The following PLAAT5 variants were observed in gnomAD, a reference collection of about 807,000 sequenced individuals.
PLAAT5 encodes phospholipase A and acyltransferase 5, also known as Ca(2+)-independent N-acyltransferase.
PLAAT5 carries 27 observed loss-of-function variants against 27.8 expected under a neutral mutation model. The ratio of observed to expected loss-of-function variants is 0.97; its 90% CI spans 0.72 to 1.34. The LOEUF (loss-of-function observed/expected upper bound fraction) is 1.34, where lower values mean the gene tolerates loss of function less well. Among genes scored for constraint, PLAAT5 ranks in the 40% most tolerant of loss-of-function variants. PLAAT5 has a pLI of 0.00. For synonymous variants in PLAAT5, 125 were observed against 136.1 expected, an observed-to-expected ratio of 0.92 and a Z score of 0.57; for missense variants, 368 against 343.8, an observed-to-expected ratio of 1.07 and a Z score of -0.56.
intron 3 of PLAAT5, among the ~76,000 whole-genome samples, chr11:63,483,845 A>G (rs1406034655): frequency 8.9e-6 from 1 of 112,940 alleles, no homozygotes; most frequent in East Asian, 2.4e-4. Flanking sequence ...ATATATATAC[A>G]CATATATATA....
At chr11:63,487,275 T>C (rs1487503205) in intron 3 of PLAAT5, among the ~76,000 whole-genome samples, 7 of 152,260 alleles carry the variant, frequency 4.6e-5, no homozygotes, top group Non-Finnish European at 5.9e-5. Flanking sequence ...GGCAAAAGAT[T>C]TGAACACTTC....
intron 3 of PLAAT5, among the ~76,000 whole-genome samples, chr11:63,488,410 T>C (rs976924049): frequency 1.3e-5 from 2 of 152,192 alleles, no homozygotes; most frequent in Non-Finnish European, 2.9e-5. Flanking sequence ...TATCAAACTA[T>C]ACACTTCACT....
In PLAAT5 at chr11:63,466,318, A is replaced by T; in HGVS notation, c.509T>A (p.Val170Glu). Reference sequence around the variant, plus strand: ...CACATCCTCCAGACGACTGTATTTCACCACGGCCCGATTGCTAAAGATGGA... The same window carrying T: ...CACATCCTCCAGACGACTGTATTTCTCCACGGCCCGATTGCTAAAGATGGA... ...ITSIFSNRAV[V>E]KYSRLEDVLH... is the part of the protein sequence containing the mutation. Residue 170 changes from valine to glutamate, a missense_variant, in exon 5 of 6, where the codon GTG becomes GAG. Coordinates refer to ENST00000540857, the MANE Select transcript of PLAAT5 (RefSeq NM_001146729.2). The T allele has an allele frequency of 6.2e-7, 1 of 1,614,140 alleles. No homozygotes were observed. The highest frequency in any genetic ancestry group is 8.5e-7 in the Non-Finnish European group (1 of 1,180,028).
intron 5 of PLAAT5, among the ~76,000 whole-genome samples, chr11:63,464,524 C>T (rs766887000): frequency 1.1e-4 from 17 of 151,926 alleles, no homozygotes; most frequent in Admixed American, 5.2e-4. Context: ...GGCATGGTGG[C>T]GTGCACCTGG....
In PLAAT5 at chr11:63,483,785, ATATATATATATATATGTAT is replaced by A. The variant is rs1269786135; in HGVS notation, c.345+5067_345+5085del. ...TAAATGAAATTGAAGCAAAAAAAAA[ATATATATATATATATGTAT>A]ATATATATATATATATATATATATA... On this transcript the variant is annotated intron_variant, in intron 3 of 5. Coordinates refer to ENST00000540857, the MANE Select transcript of PLAAT5 (RefSeq NM_001146729.2). Among the ~76,000 whole-genome samples the A allele has an allele frequency of 7.3e-3, 646 of 88,600 alleles. 26 individuals carry two copies. Among genetic ancestry groups the A allele is most frequent in the African/African-American group, 0.027 (620 of 22,586 alleles). The allele number at this position is 88,600 out of a possible 152,430, so 58.1% of individuals were successfully genotyped here. A position where few individuals can be genotyped will look rare whatever the true frequency, so the allele number is the denominator to read the frequency against.
chr11:63,488,388 G>A (rs560262155), intron 3 of PLAAT5, among the ~76,000 whole-genome samples: 1 of 152,216 alleles, frequency 6.6e-6, no homozygotes, highest in African/African-American at 2.4e-5. Flanking sequence ...TATATATATA[G>A]ATGTCAAAAT....
intron 3 of PLAAT5, among the ~76,000 whole-genome samples, chr11:63,473,163 C>T (rs2016071151): frequency 6.6e-6 from 1 of 152,026 alleles, no homozygotes. Flanking sequence ...AGGCATGTCT[C>T]ATTTTACTGT....
chr11:63,488,174 G>A (rs1280067150), intron 3 of PLAAT5, among the ~76,000 whole-genome samples: 1 of 151,610 alleles, frequency 6.6e-6, no homozygotes, highest in Non-Finnish European at 1.5e-5. Flanking sequence ...ATATGAAGGA[G>A]ACAGACAAAG....
intron 3 of PLAAT5, among the ~76,000 whole-genome samples, chr11:63,475,311 A>C (rs1373487093): frequency 1.3e-5 from 2 of 152,122 alleles, no homozygotes; most frequent in East Asian, 3.9e-4. Flanking sequence ...TTTTTGCTTC[A>C]TACTTTTTGG....
chr11:63,482,462 G>C (rs2016309618), intron 3 of PLAAT5, among the ~76,000 whole-genome samples: 1 of 152,156 alleles, frequency 6.6e-6, no homozygotes, highest in Non-Finnish European at 1.5e-5. Context: ...CCTATCTTTA[G>C]CCATCTCAAA....
chr11:63,469,058 C>G (rs1336981577), intron 3 of PLAAT5, among the ~76,000 whole-genome samples: 1 of 150,474 alleles, frequency 6.6e-6, no homozygotes, highest in African/African-American at 2.5e-5. Flanking sequence ...TTGCTAATAG[C>G]CACTTCAGTC....
rs148040709 is a variant in PLAAT5 at position 63,468,247 on chromosome 11, G to T, written c.454+110C>A. 5.8e-5 allele frequency: 47 copies of T among 812,302 alleles called. No homozygotes were observed. In the African/African-American group the frequency reaches 6.5e-4, roughly 11 times the overall value. 50.3% of individuals were successfully genotyped at this position (812,302 alleles called of 1,614,324 possible). A position where few individuals can be genotyped will look rare whatever the true frequency, so the allele number is the denominator to read the frequency against. The stretch of plus-strand genomic sequence containing the variant: ...AGCAAAGGTCCAGTCATGCTTCAAG[G>T]GGTCCCATTGCTAAAGAATGGCAGT... On this transcript the variant is annotated intron_variant, in intron 4 of 5. Coordinates refer to ENST00000540857, the MANE Select transcript of PLAAT5 (RefSeq NM_001146729.2).
At chr11:63,464,343 T>C (rs73488052) in intron 5 of PLAAT5, among the ~76,000 whole-genome samples, 1,868 of 152,334 alleles carry the variant, frequency 0.012, 30 homozygotes, top group African/African-American at 0.043. Context: ...TTTTAATCCT[T>C]AATTTTTTCC....
At chr11:63,466,478 A>G in intron 4 of PLAAT5, 106 bp from the exon 5 acceptor site, 1 of 1,131,594 alleles carries the variant, frequency 8.8e-7, no homozygotes. Flanking sequence ...CATTGGCACC[A>G]TCAGTAGAAG....
At chr11:63,482,944 C>T (rs1368265526) in intron 3 of PLAAT5, among the ~76,000 whole-genome samples, 1 of 152,120 alleles carries the variant, frequency 6.6e-6, no homozygotes, top group Non-Finnish European at 1.5e-5. Context: ...CAAAAGTGAG[C>T]TAGAGTAGCT....
rs1170826651 is a variant in PLAAT5 at position 63,490,988 on chromosome 11, G to C, written c.47C>G (p.Pro16Arg). The change falls in exon 1 of 6, where the codon CCT (proline) becomes CGT (arginine). Residue 16 changes from proline (P) to arginine (R), a missense_variant. Coordinates refer to ENST00000540857, the MANE Select transcript of PLAAT5 (RefSeq NM_001146729.2). ...TTTGGGGAGGGGTGGGGGAATCCTA[G>C]GGAGGCGGAGCGCGTACTCCCCCTC... ...GAEGEYALRLPRIPPPLPKPA... is the reference protein window; with the variant it reads ...GAEGEYALRLRRIPPPLPKPA... 6.4e-7 allele frequency: 1 copy of C among 1,560,504 alleles called. No homozygotes were observed. The highest frequency in any genetic ancestry group is 8.7e-7 in the Non-Finnish European group (1 of 1,154,074).
At position 63,488,913 on chromosome 11, in the gene PLAAT5, TG is replaced by T; in HGVS notation, c.302del (p.Pro101GlnfsTer9). The T allele has an allele frequency of 6.2e-7, 1 of 1,613,900 alleles. No individual in the cohort carries two copies. The highest frequency in any genetic ancestry group is 2.2e-5 in the East Asian group (1 of 44,874). ...PSQKADWSSIPKPENEGKLIK... is the reference protein window; with the variant it reads ...PSQKADWSSIXKPENEGKLIK... ...TTAACTTGCCTTCATTCTCAGGCTT[TG>T]GAATTGAACTCCAGTCTGCTTTCTG... is the stretch of plus-strand genomic sequence containing the variant. On this transcript the variant is annotated frameshift_variant, in exon 3 of 6. Coordinates refer to ENST00000540857, the MANE Select transcript of PLAAT5 (RefSeq NM_001146729.2). LOFTEE classifies it high-confidence loss of function.
intron 4 of PLAAT5, among the ~76,000 whole-genome samples, chr11:63,467,925 G>T (rs1019818659): frequency 2.0e-5 from 3 of 152,210 alleles, no homozygotes; most frequent in Non-Finnish European, 4.4e-5. Context: ...AGGTGAGGAC[G>T]AAGGTGCCAA....
At chr11:63,471,858 G>C (rs1392350967) in intron 3 of PLAAT5, among the ~76,000 whole-genome samples, 1 of 152,192 alleles carries the variant, frequency 6.6e-6, no homozygotes, top group African/African-American at 2.4e-5. Flanking sequence ...ATACTATGCA[G>C]CCATAAAAAG....
Sources: gnomAD v4.1 joint callset for allele counts (sites outside exome capture counted in the v4.1 genomes callset) on GRCh38, gnomAD v4.1.1 for gene constraint, MANE v1.5 for transcripts, NCBI Gene and HGNC (gene_info 2026-07-23, HGNC 2026-07-21) for gene names.